The following WDFY4 variants were observed in gnomAD, a reference collection of about 807,000 sequenced individuals.
WDFY4 encodes WD repeat- and FYVE domain-containing protein 4.
WDFY4 carries 169 observed loss-of-function variants against 351.9 expected under a neutral mutation model. That is an observed-to-expected ratio of 0.48 (90% CI 0.42 to 0.55). The LOEUF (loss-of-function observed/expected upper bound fraction) is 0.55. Ranked by LOEUF, WDFY4 falls within the 20% of genes least tolerant of loss-of-function variation. The pLI is 0.00. For synonymous variants in WDFY4, 1,622 were observed against 1,574.6 expected (o/e 1.03, Z -0.71); for missense variants, 3,803 against 3,935.6 (o/e 0.97, Z 0.90).
At position 48,760,449 on chromosome 10, in the gene WDFY4, T is replaced by C. The variant is rs755233765; in HGVS notation, c.2553+9T>C. The C allele has an allele frequency of 1.5e-5, 23 of 1,551,356 alleles. No individual in the cohort carries two copies. The Admixed American group carries it at 3.7e-4, about 25-fold the overall frequency. On this transcript the variant is annotated intron_variant, in intron 13 of 61. Coordinates refer to ENST00000325239, the MANE Select transcript of WDFY4 (RefSeq NM_001394531.1). ...ATGAAGATCACCCACAGGTACCTGG[T>C]GTTGAATATGTGTGTTTTGTCATCT...
chr10:48,962,085 C>A (rs996379119), intron 53 of WDFY4, among the ~76,000 whole-genome samples: 1 of 152,158 alleles, frequency 6.6e-6, no homozygotes, highest in Non-Finnish European at 1.5e-5. Context: ...AGAAGAAGGG[C>A]CAGCAGAAGG....
At chr10:48,891,136 A>G (rs2070679716) in intron 44 of WDFY4, among the ~76,000 whole-genome samples, 1 of 152,238 alleles carries the variant, frequency 6.6e-6, no homozygotes, top group African/African-American at 2.4e-5. Context: ...AGGTTCTTTC[A>G]GAAACTGTTG....
At position 48,905,226 on chromosome 10, in the gene WDFY4, C is replaced by A. The variant is rs575076221; in HGVS notation, c.7586+3363C>A. 2.2e-3 allele frequency among the ~76,000 whole-genome samples: 333 copies of A among 152,280 alleles called. 1 individual carries two copies. Among genetic ancestry groups the A allele is most frequent in the African/African-American group, 7.7e-3 (318 of 41,554 alleles). The stretch of plus-strand genomic sequence containing the variant: ...GGAAACACTTACCTTCCTCCACATA[C>A]CTTCTACTCCAAATATAGAGGGGCA... On this transcript the variant is annotated intron_variant, in intron 47 of 61. Transcript: ENST00000325239.
chr10:48,882,006 C>T (rs2070270080), intron 43 of WDFY4, among the ~76,000 whole-genome samples: 1 of 152,258 alleles, frequency 6.6e-6, no homozygotes, highest in Non-Finnish European at 1.5e-5. Flanking sequence ...GACTTAGCTT[C>T]CTCCTCGTCC....
At chr10:48,687,147 G>T (rs2136284853) in intron 1 of WDFY4, among the ~76,000 whole-genome samples, 1 of 152,132 alleles carries the variant, frequency 6.6e-6, no homozygotes, top group Admixed American at 6.5e-5. Context: ...ATGTTTATTG[G>T]CCATTTGGGG....
At position 48,876,912 on chromosome 10, in the gene WDFY4, G is replaced by A. The variant is rs184358492; in HGVS notation, c.7001-121G>A. ...TGGAGGGGCACAGTGAGAGATCCAC[G>A]CTCTTCACTTCGGCCCTGGAGCCTT... On this transcript the variant is annotated intron_variant, in intron 42 of 61. Coordinates refer to ENST00000325239, the MANE Select transcript of WDFY4 (RefSeq NM_001394531.1). The A allele has an allele frequency of 2.8e-4, 278 of 989,402 alleles. 3 individuals carry two copies. The East Asian group carries it at 7.2e-3, about 26-fold the overall frequency. The allele number at this position is 989,402 out of a possible 1,614,324, so 61.3% of individuals were successfully genotyped here.
intron 47 of WDFY4, among the ~76,000 whole-genome samples, chr10:48,926,030 G>C (rs1384637739): frequency 6.6e-6 from 1 of 152,212 alleles, no homozygotes; most frequent in African/African-American, 2.4e-5. Flanking sequence ...CAATGTGTCT[G>C]ATACGCAAGC....
At chr10:48,718,611 G>T (rs957685242) in intron 2 of WDFY4, among the ~76,000 whole-genome samples, 1 of 152,180 alleles carries the variant, frequency 6.6e-6, no homozygotes, top group Admixed American at 6.5e-5. Flanking sequence ...CCTTCCTGGT[G>T]GGAACTAGGC....
At chr10:48,708,756 T>G (rs540166513) in intron 1 of WDFY4, among the ~76,000 whole-genome samples, 1 of 152,330 alleles carries the variant, frequency 6.6e-6, no homozygotes, top group African/African-American at 2.4e-5. Flanking sequence ...CTGTGTGCAC[T>G]TAGAGATGAG....
chr10:48,946,858 A>G lies in WDFY4; in HGVS notation c.7868-2A>G. 2 of 1,551,502 alleles carry G rather than the reference A, an allele frequency of 1.3e-6. No individual in the cohort carries two copies. The highest frequency in any genetic ancestry group is 8.7e-7 in the Non-Finnish European group (1 of 1,146,656). On this transcript the variant is annotated splice_acceptor_variant, in intron 50 of 61. Coordinates refer to ENST00000325239, the MANE Select transcript of WDFY4 (RefSeq NM_001394531.1). LOFTEE classifies it high-confidence loss of function. ...GCCCTCAAGCATGTGTTTTTGTTGC[A>G]GGAGACATGACTGTCCAGTGCCACT...
chr10:48,793,681 CG>C (rs1398055303), intron 23 of WDFY4, among the ~76,000 whole-genome samples: 1 of 152,092 alleles, frequency 6.6e-6, no homozygotes, highest in Non-Finnish European at 1.5e-5. Flanking sequence ...AGCGTGTGTC[CG>C]GCTTGTTTAT....
Position 48,729,462 on chromosome 10 carries a change from C to T in WDFY4, c.1002C>T (p.Asp334=), listed in dbSNP as rs1281205719. The change falls in exon 8 of 62, where the codon GAC becomes GAT. Residue 334 remains aspartate, a synonymous_variant. Transcript: ENST00000325239. ...RYDGLTQSEV[D]PHLEELLGLV... The stretch of plus-strand genomic sequence containing the variant: ...ATGGGCTGACCCAGAGCGAAGTGGA[C>T]CCGCATCTGGAGGAGCTCCTTGGGC... 6.4e-6 allele frequency: 10 copies of T among 1,551,336 alleles called. No homozygotes were observed. Among genetic ancestry groups the T allele is most frequent in the African/African-American group, 2.7e-5 (2 of 73,052 alleles).
At chr10:48,789,344 C>G (rs903827047) in intron 21 of WDFY4, among the ~76,000 whole-genome samples, 3 of 152,176 alleles carry the variant, frequency 2.0e-5, no homozygotes, top group Admixed American at 6.5e-5. Context: ...ATTCCTTCAC[C>G]CTAATGGACA....
chr10:48,800,730 CT>C (rs57288777), intron 24 of WDFY4, among the ~76,000 whole-genome samples: 1,105 of 92,754 alleles, frequency 0.012, 17 homozygotes, highest in African/African-American at 0.045. Flanking sequence ...TTCATTCTTT[CT>C]TTTTTTTTTT....
At chr10:48,725,836 C>A in intron 5 of WDFY4, 45 bp from the exon 6 acceptor site, 2 of 1,508,030 alleles carry the variant, frequency 1.3e-6, no homozygotes, top group Non-Finnish European at 1.8e-6. Flanking sequence ...AGGAAGGAGA[C>A]TTCCTAACCA....
At chr10:48,782,223 T>G (rs1175566336) in intron 19 of WDFY4, among the ~76,000 whole-genome samples, 1 of 152,254 alleles carries the variant, frequency 6.6e-6, no homozygotes, top group Admixed American at 6.5e-5. Flanking sequence ...AATATCTTTG[T>G]TTTTATCTGT....
intron 1 of WDFY4, among the ~76,000 whole-genome samples, chr10:48,694,329 A>G (rs4293051): frequency 5.9e-5 from 9 of 152,082 alleles, no homozygotes; most frequent in African/African-American, 1.9e-4. Flanking sequence ...AGCCAGGTCT[A>G]GTTAAGCCCA....
intron 35 of WDFY4, chr10:48,823,088 G>C: frequency 7.9e-7 from 1 of 1,265,866 alleles, no homozygotes; most frequent in Non-Finnish European, 1.0e-6. Flanking sequence ...GGCCATCATT[G>C]AATGTAGGTG....
intron 47 of WDFY4, among the ~76,000 whole-genome samples, chr10:48,937,963 A>C (rs778832053): frequency 8.5e-5 from 13 of 152,270 alleles, no homozygotes; most frequent in Middle Eastern, 6.8e-3. Flanking sequence ...CCCAGCTCAC[A>C]CATTCCCTAC....
Sources: gnomAD v4.1 joint callset for allele counts (sites outside exome capture counted in the v4.1 genomes callset) on GRCh38, gnomAD v4.1.1 for gene constraint, MANE v1.5 for transcripts, NCBI Gene and HGNC (gene_info 2026-07-23, HGNC 2026-07-21) for gene names.